The following CHMP5 variants were observed in gnomAD, a reference collection of about 807,000 sequenced individuals.
The protein encoded by CHMP5 is SNF7 domain containing 2.
A neutral mutation model predicts 33.0 loss-of-function variants in CHMP5; 17 were observed. That is an observed-to-expected ratio of 0.52 (90% CI 0.35 to 0.77). The LOEUF is 0.77. Ranked by LOEUF, CHMP5 falls within the 30% of genes least tolerant of loss-of-function variation. CHMP5 has a pLI of 0.01. For synonymous variants in CHMP5, 76 were observed against 90.2 expected (o/e 0.84, Z 0.89); for missense variants, 216 against 261.5 (o/e 0.83, Z 1.20).
chr9:33,278,258 A>C, intron 7 of CHMP5, 33 bp downstream of exon 7: 1 of 1,282,248 alleles, frequency 7.8e-7, no homozygotes, highest in Non-Finnish European at 1.1e-6. Context: ...TTTCAATGCA[A>C]AATAGCAAAG....
intron 6 of CHMP5, among the ~76,000 whole-genome samples, chr9:33,276,969 C>T (rs373006764): frequency 4.6e-5 from 7 of 152,138 alleles, no homozygotes; most frequent in East Asian, 1.9e-4. Flanking sequence ...CCAAGGTAGG[C>T]GGATCCACTC....
At chr9:33,274,274 A>G (rs1232255729) in intron 5 of CHMP5, among the ~76,000 whole-genome samples, 2 of 152,122 alleles carry the variant, frequency 1.3e-5, no homozygotes, top group South Asian at 2.1e-4. Context: ...AGGTTTTGCC[A>G]TGTTCCCCAG....
intron 5 of CHMP5, among the ~76,000 whole-genome samples, chr9:33,274,383 A>G (rs1820829127): frequency 6.6e-6 from 1 of 152,054 alleles, no homozygotes; most frequent in Non-Finnish European, 1.5e-5. Context: ...AGAATTTTCA[A>G]ATGTCTTGCA....
chr9:33,280,700 T>C, intron 7 of CHMP5, 109 bp from the exon 8 acceptor site: 1 of 1,022,038 alleles, frequency 9.8e-7, no homozygotes. Flanking sequence ...ATTTTGGTTT[T>C]GATTGATTAA....
intron 7 of CHMP5, among the ~76,000 whole-genome samples, chr9:33,279,898 C>T (rs1339643702): frequency 2.0e-5 from 3 of 148,474 alleles, no homozygotes; most frequent in Non-Finnish European, 4.5e-5. Flanking sequence ...GTCCCTGAAG[C>T]ATCTATGTTA....
chr9:33,273,445 G>A (rs559635726), intron 5 of CHMP5, among the ~76,000 whole-genome samples: 79 of 152,316 alleles, frequency 5.2e-4, no homozygotes, highest in Non-Finnish European at 9.8e-4. Context: ...GTGGTTGTCT[G>A]TCTGTCTCCC....
At chr9:33,266,180 G>T in intron 2 of CHMP5, 66 bp downstream of exon 2, 1 of 1,104,118 alleles carries the variant, frequency 9.1e-7, no homozygotes, top group Non-Finnish European at 1.4e-6. Context: ...TATAGAAATA[G>T]GGCCTAGTTC....
At chr9:33,267,814 T>A in intron 2 of CHMP5, 39 bp from the exon 3 acceptor site, 1 of 1,468,676 alleles carries the variant, frequency 6.8e-7, no homozygotes, top group East Asian at 2.3e-5. Context: ...GTATATGTGT[T>A]TTCCACCTTA....
intron 1 of CHMP5, among the ~76,000 whole-genome samples, chr9:33,265,366 G>A (rs1005258071): frequency 3.3e-5 from 5 of 151,852 alleles, no homozygotes; most frequent in African/African-American, 1.2e-4. Flanking sequence ...GCCTTGCCCT[G>A]CCAGCACCCA....
At chr9:33,269,907 G>A (rs1262236058) in intron 3 of CHMP5, among the ~76,000 whole-genome samples, 5 of 152,210 alleles carry the variant, frequency 3.3e-5, no homozygotes, top group Admixed American at 1.3e-4. Flanking sequence ...CAGGAAGGTG[G>A]AGGCTGCAGT....
chr9:33,279,250 G>C (rs932778268), intron 7 of CHMP5, among the ~76,000 whole-genome samples: 1 of 152,104 alleles, frequency 6.6e-6, no homozygotes, highest in East Asian at 1.9e-4. Flanking sequence ...GTGTGACTTT[G>C]AGCAAAATAG....
intron 5 of CHMP5, among the ~76,000 whole-genome samples, chr9:33,274,297 C>G (rs956027970): frequency 5.3e-5 from 8 of 152,110 alleles, no homozygotes; most frequent in African/African-American, 1.4e-4. Context: ...TGGTCCCAAA[C>G]TCCTGAGCTC....
intron 3 of CHMP5, among the ~76,000 whole-genome samples, chr9:33,270,060 G>A (rs2118021967): frequency 6.6e-6 from 1 of 152,304 alleles, no homozygotes; most frequent in South Asian, 2.1e-4. Flanking sequence ...ATACAGTCAT[G>A]TGCTGCATAA....
chr9:33,270,524 GTTTTTTTTTTA>G, intron 3 of CHMP5, 88 bp from the exon 4 acceptor site: 1 of 936,132 alleles, frequency 1.1e-6, no homozygotes, highest in East Asian at 2.7e-5. Context: ...TTGTTCCGTT[GTTTTTTTTTTA>G]AATACTCTTA....
intron 3 of CHMP5, among the ~76,000 whole-genome samples, chr9:33,268,793 TTAC>T (rs1166160104): frequency 1.3e-5 from 2 of 152,246 alleles, no homozygotes; most frequent in Non-Finnish European, 2.9e-5. Context: ...ACCTAGATTC[TTAC>T]TACTAGAAAT....
At chr9:33,265,820 G>C (rs1820711717) in intron 1 of CHMP5, among the ~76,000 whole-genome samples, 190 bp from the exon 2 acceptor site, 1 of 152,162 alleles carries the variant, frequency 6.6e-6, no homozygotes, top group African/African-American at 2.4e-5. Context: ...GGGCAGTGTG[G>C]CGGGGGGTAA....
At chr9:33,272,247 C>A (rs914915810) in intron 5 of CHMP5, among the ~76,000 whole-genome samples, 4 of 152,098 alleles carry the variant, frequency 2.6e-5, no homozygotes, top group Non-Finnish European at 5.9e-5. Context: ...CTTTACCCCC[C>A]TGACTAGAAT....
At chr9:33,280,360 C>T (rs960781576) in intron 7 of CHMP5, among the ~76,000 whole-genome samples, 4 of 152,184 alleles carry the variant, frequency 2.6e-5, no homozygotes, top group Non-Finnish European at 5.9e-5. Context: ...ATAGTGATGT[C>T]GCTGCCTATG....
At chr9:33,278,650 T>TTC (rs1331761931) in intron 7 of CHMP5, among the ~76,000 whole-genome samples, 2 of 152,060 alleles carry the variant, frequency 1.3e-5, no homozygotes, top group African/African-American at 4.8e-5. Context: ...TTTTTTTTTT[T>TTC]CCTGTACACA....
Sources: allele counts gnomAD v4.1 joint callset (sites outside exome capture counted in the v4.1 genomes callset), GRCh38; gene constraint gnomAD v4.1.1; transcripts MANE v1.5; gene names NCBI Gene and HGNC (gene_info 2026-07-23, HGNC 2026-07-21).